NCOA3: variants seen among roughly 807,000 people sequenced by gnomAD.
NCOA3 encodes CBP-interacting protein.
NCOA3 carries 51 observed loss-of-function variants against 158.8 expected under a neutral mutation model. That is an observed-to-expected ratio of 0.32 (90% confidence interval 0.26 to 0.41). NCOA3 has a LOEUF of 0.41. Among genes scored for constraint, NCOA3 ranks in the 10% least tolerant of loss-of-function variants. The pLI is 1.00. For synonymous variants in NCOA3, 537 were observed against 592.4 expected, an observed-to-expected ratio of 0.91 and a Z score of 1.36; for missense variants, 1,510 against 1,746.6, an observed-to-expected ratio of 0.86 and a Z score of 2.41.
At chr20:47,609,991 C>G (rs745656836) in intron 2 of NCOA3, among the ~76,000 whole-genome samples, 2 of 152,112 alleles carry the variant, frequency 1.3e-5, no homozygotes, top group African/African-American at 4.8e-5. Context: ...TGGAGAGGGT[C>G]AAGGGTTTTA....
At chr20:47,598,526 AG>A (rs1454535045) in intron 2 of NCOA3, among the ~76,000 whole-genome samples, 1 of 151,958 alleles carries the variant, frequency 6.6e-6, no homozygotes, top group African/African-American at 2.4e-5. Context: ...TAGTAGAGAC[AG>A]GGTTTCACCA....
At position 47,637,732 on chromosome 20, in the gene NCOA3, G is replaced by C; in HGVS notation, c.2461G>C (p.Gly821Arg). ...DFYNNSISSN[G>R]SHLGTKQQVF... Reference sequence around the variant, plus strand: ...TTACAATAATTCCATATCCTCAAATGGTAGTCATCTGGGGACTAAGCAACA... The same window carrying C: ...TTACAATAATTCCATATCCTCAAATCGTAGTCATCTGGGGACTAAGCAACA... Residue 821 changes from glycine (G) to arginine (R), a missense_variant, in exon 13 of 23, where the codon GGT (glycine) becomes CGT (arginine). This residue lies in a region of NCOA3 where 1,017 missense variants were observed against 1,098.3 expected (regional missense o/e 0.93). Coordinates refer to ENST00000371998, the MANE Select transcript of NCOA3 (RefSeq NM_181659.3). 6.2e-7 allele frequency: 1 copy of C among 1,612,248 alleles called. No homozygotes were observed. Among genetic ancestry groups the C allele is most frequent in the Non-Finnish European group, 8.5e-7 (1 of 1,179,216 alleles).
chr20:47,621,421 T>C (rs1475223885), intron 2 of NCOA3, among the ~76,000 whole-genome samples: 1 of 152,150 alleles, frequency 6.6e-6, no homozygotes, highest in Non-Finnish European at 1.5e-5. Context: ...GAATGCAAGA[T>C]GCATTTTAAT....
rs578155023 is a variant in NCOA3, at chr20:47,613,960, C to G, written c.-19-8269C>G. ...CTTTTCTTTCCCCTCCTACTTATCT[C>G]CTCACAGCTCTTAACTTCCTTACCA... On this transcript the variant is annotated intron_variant, in intron 2 of 22. Transcript: ENST00000371998. Among the ~76,000 whole-genome samples, 3 of 152,082 alleles carry G rather than the reference C, an allele frequency of 2.0e-5. No homozygotes were observed. In the East Asian group the frequency reaches 5.8e-4, roughly 29 times the overall value.
chr20:47,638,405 G>A (rs540419745), intron 13 of NCOA3, among the ~76,000 whole-genome samples: 3 of 152,278 alleles, frequency 2.0e-5, no homozygotes, highest in East Asian at 1.9e-4. Flanking sequence ...GTGAGACTCC[G>A]TCTCAAACAA....
intron 2 of NCOA3, among the ~76,000 whole-genome samples, chr20:47,598,642 C>T (rs977799813): frequency 6.6e-6 from 1 of 152,190 alleles, no homozygotes; most frequent in Non-Finnish European, 1.5e-5. Context: ...TGGCTGAAAC[C>T]TATTTTTATT....
At chr20:47,554,881 A>G (rs576662391) in intron 1 of NCOA3, among the ~76,000 whole-genome samples, 3 of 152,310 alleles carry the variant, frequency 2.0e-5, no homozygotes, top group Non-Finnish European at 4.4e-5. Context: ...TGGAACCAAA[A>G]AGGAGCCCAC....
At chr20:47,621,524 C>T (rs1364255634) in intron 2 of NCOA3, among the ~76,000 whole-genome samples, 1 of 152,010 alleles carries the variant, frequency 6.6e-6, no homozygotes, top group South Asian at 2.1e-4. Flanking sequence ...GAGTTTAGTA[C>T]AGATAAAATT....
At chr20:47,545,739 C>T (rs1435889228) in intron 1 of NCOA3, among the ~76,000 whole-genome samples, 5 of 151,760 alleles carry the variant, frequency 3.3e-5, no homozygotes, top group South Asian at 2.1e-4. Flanking sequence ...TATGGAGACA[C>T]GGTCTCGGTC....
intron 1 of NCOA3, among the ~76,000 whole-genome samples, chr20:47,548,217 G>A (rs2084864558): frequency 6.8e-6 from 1 of 147,066 alleles, no homozygotes. Context: ...TACTCTCTAA[G>A]CCTAATAAAA....
intron 1 of NCOA3, among the ~76,000 whole-genome samples, chr20:47,537,734 C>T (rs542627259): frequency 6.6e-6 from 1 of 152,158 alleles, no homozygotes; most frequent in African/African-American, 2.4e-5. Flanking sequence ...TCCTTGTCAC[C>T]ACACCCGGCT....
At chr20:47,554,581 A>G (rs1222886340) in intron 1 of NCOA3, among the ~76,000 whole-genome samples, 1 of 135,614 alleles carries the variant, frequency 7.4e-6, no homozygotes, top group African/African-American at 3.0e-5. Flanking sequence ...ACAAAGAGCC[A>G]AATCATGAGT....
At chr20:47,517,698 G>T (rs947098363) in intron 1 of NCOA3, among the ~76,000 whole-genome samples, 2 of 151,998 alleles carry the variant, frequency 1.3e-5, no homozygotes, top group African/African-American at 4.8e-5. Flanking sequence ...TGATCTGCCT[G>T]CCTCGGCCTC....
intron 1 of NCOA3, among the ~76,000 whole-genome samples, chr20:47,526,050 G>T (rs1167186362): frequency 6.6e-6 from 1 of 150,826 alleles, no homozygotes; most frequent in Non-Finnish European, 1.5e-5. Context: ...CAGACGGGGC[G>T]GTTGCCAGGC....
chr20:47,566,634 C>T (rs1332419204), intron 1 of NCOA3, among the ~76,000 whole-genome samples: 1 of 152,116 alleles, frequency 6.6e-6, no homozygotes, highest in Non-Finnish European at 1.5e-5. Context: ...ACCTCAGCCT[C>T]CAGAATAGCT....
At chr20:47,609,145 G>A (rs893781440) in intron 2 of NCOA3, among the ~76,000 whole-genome samples, 1 of 152,108 alleles carries the variant, frequency 6.6e-6, no homozygotes, top group Non-Finnish European at 1.5e-5. Flanking sequence ...AATTTCTGAT[G>A]ATCTACTTAC....
chr20:47,573,878 A>G (rs949903127), intron 1 of NCOA3, among the ~76,000 whole-genome samples: 1 of 152,170 alleles, frequency 6.6e-6, no homozygotes, highest in African/African-American at 2.4e-5. Context: ...TCCTTTTCCT[A>G]AAATGATTTA....
chr20:47,540,661 C>T (rs950733724), intron 1 of NCOA3, among the ~76,000 whole-genome samples: 4 of 151,900 alleles, frequency 2.6e-5, no homozygotes, highest in Admixed American at 1.3e-4. Context: ...AATATAAGGT[C>T]TTATCTCTTC....
At chr20:47,652,910 T>C (rs771902821) in intron 21 of NCOA3, 21 bp from the exon 22 acceptor site, 5 of 1,612,938 alleles carry the variant, frequency 3.1e-6, no homozygotes, top group African/African-American at 1.3e-5. Context: ...AGAGGTAATA[T>C]TACCATTTGT....
Sources: allele counts gnomAD v4.1 joint callset (sites outside exome capture counted in the v4.1 genomes callset), GRCh38; gene constraint gnomAD v4.1.1; regional missense constraint gnomAD v4.1.1; transcripts MANE v1.5; gene names NCBI Gene and HGNC (gene_info 2026-07-23, HGNC 2026-07-21).